Variants in MSRA observed in about 807,000 individuals in gnomAD.
MSRA encodes methionine sulfoxide reductase A.
MSRA carries 54 observed loss-of-function variants against 31.3 expected under a neutral mutation model. The ratio of observed to expected loss-of-function variants is 1.73; its 90% CI spans 1.39 to 2.17. The LOEUF (loss-of-function observed/expected upper bound fraction) is 2.17, where lower values mean the gene tolerates loss of function less well. Among genes scored for constraint, MSRA ranks in the 30% most tolerant of loss-of-function variants. MSRA has a pLI of 0.00. For synonymous variants in MSRA, 169 were observed against 116.5 expected, an observed-to-expected ratio of 1.45 and a Z score of -2.90; for missense variants, 507 against 300.9, an observed-to-expected ratio of 1.69 and a Z score of -5.07.
chr8:10,397,114 C>A (rs1016231640), intron 5 of MSRA, among the ~76,000 whole-genome samples: 4 of 152,206 alleles, frequency 2.6e-5, no homozygotes, highest in African/African-American at 9.6e-5. Context: ...CTATATAGGA[C>A]TCTATGATCC....
chr8:10,199,096 G>A (rs1808253065), intron 1 of MSRA, among the ~76,000 whole-genome samples: 1 of 152,084 alleles, frequency 6.6e-6, no homozygotes, highest in Non-Finnish European at 1.5e-5. Context: ...CTTTGTCTTT[G>A]GTGATGCAAC....
chr8:10,106,731 A>G (rs894875623), intron 1 of MSRA, among the ~76,000 whole-genome samples: 5 of 152,190 alleles, frequency 3.3e-5, no homozygotes, highest in Non-Finnish European at 7.3e-5. Context: ...CACCAGGAGA[A>G]TATAGTAAGT....
chr8:10,056,394 T>G (rs561753346), intron 1 of MSRA, among the ~76,000 whole-genome samples: 1 of 152,250 alleles, frequency 6.6e-6, no homozygotes, highest in Non-Finnish European at 1.5e-5. Flanking sequence ...GCCAACAATT[T>G]TTTTCTTATC....
rs372289649 is a variant in MSRA, at chr8:10,148,801, C to CA, written c.143-59017dup. On this transcript the variant is annotated intron_variant, in intron 1 of 5. Transcript: ENST00000317173. ...TGGGTGAAAGAGTGAGACCCTGTCG[C>CA]AAAAAAAAAAAAAAAGGAAACTCTG... 4.0e-3 allele frequency among the ~76,000 whole-genome samples: 351 copies of CA among 88,646 alleles called. 1 individual carries two copies. Among genetic ancestry groups the CA allele is most frequent in the African/African-American group, 0.01 (244 of 23,562 alleles). The allele number at this position is 88,646 out of a possible 152,430, so 58.2% of individuals were successfully genotyped here. A position where few individuals can be genotyped will look rare whatever the true frequency, so the allele number is the denominator to read the frequency against.
At chr8:10,136,398 C>T (rs1348544816) in intron 1 of MSRA, among the ~76,000 whole-genome samples, 1 of 152,206 alleles carries the variant, frequency 6.6e-6, no homozygotes, top group Non-Finnish European at 1.5e-5. Context: ...CACCCTGAGC[C>T]TAGCAAGCTC....
intron 2 of MSRA, among the ~76,000 whole-genome samples, chr8:10,227,029 G>GA (rs1811059735): frequency 6.6e-6 from 1 of 152,206 alleles, no homozygotes. Flanking sequence ...ATTCTGTCTA[G>GA]AGATCCATGG....
At chr8:10,191,222 A>T (rs565124409) in intron 1 of MSRA, among the ~76,000 whole-genome samples, 1 of 152,310 alleles carries the variant, frequency 6.6e-6, no homozygotes, top group East Asian at 1.9e-4. Flanking sequence ...CATCATTATG[A>T]ATAGGAATAA....
chr8:10,223,481 T>A (rs772919147), intron 2 of MSRA, among the ~76,000 whole-genome samples: 1 of 152,224 alleles, frequency 6.6e-6, no homozygotes, highest in Non-Finnish European at 1.5e-5. Flanking sequence ...GGATAGAATG[T>A]CAGATATTGG....
chr8:10,126,599 G>T (rs900941249), intron 1 of MSRA, among the ~76,000 whole-genome samples: 1 of 152,138 alleles, frequency 6.6e-6, no homozygotes, highest in Non-Finnish European at 1.5e-5. Context: ...CACAACCTCT[G>T]CCTCCTGGGT....
At chr8:10,311,897 A>G (rs1213326319) in intron 4 of MSRA, among the ~76,000 whole-genome samples, 1 of 152,260 alleles carries the variant, frequency 6.6e-6, no homozygotes, top group African/African-American at 2.4e-5. Flanking sequence ...AGCCTGGGCA[A>G]CAGAGCAAGA....
At chr8:10,271,298 C>T (rs1219966322) in intron 3 of MSRA, among the ~76,000 whole-genome samples, 3 of 151,936 alleles carry the variant, frequency 2.0e-5, no homozygotes, top group Non-Finnish European at 4.4e-5. Context: ...AGCAGGCAAA[C>T]CCAGAATTTG....
chr8:10,179,927 C>A (rs892725898), intron 1 of MSRA, among the ~76,000 whole-genome samples: 1 of 152,290 alleles, frequency 6.6e-6, no homozygotes, highest in South Asian at 2.1e-4. Context: ...GTTTCCTCTA[C>A]ACTCACAAAA....
chr8:10,290,489 A>C (rs1349052949), intron 3 of MSRA, among the ~76,000 whole-genome samples: 1 of 152,108 alleles, frequency 6.6e-6, no homozygotes, highest in Non-Finnish European at 1.5e-5. Flanking sequence ...TTAGCCACAT[A>C]CATCAGATGC....
chr8:10,365,164 A>G (rs1459372072), intron 5 of MSRA, among the ~76,000 whole-genome samples: 2 of 150,368 alleles, frequency 1.3e-5, no homozygotes, highest in Admixed American at 1.3e-4. Flanking sequence ...AAAAAAAAAA[A>G]GTCGAGACTG....
chr8:10,158,936 T>G (rs1641202851), intron 1 of MSRA, among the ~76,000 whole-genome samples: 1 of 152,232 alleles, frequency 6.6e-6, no homozygotes, highest in Admixed American at 6.5e-5. Flanking sequence ...GTGTGAAATG[T>G]TATCTCATTG....
At chr8:10,202,297 T>C (rs1475441218) in intron 1 of MSRA, among the ~76,000 whole-genome samples, 2 of 152,234 alleles carry the variant, frequency 1.3e-5, no homozygotes, top group Admixed American at 6.5e-5. Flanking sequence ...TTTCTAGGAA[T>C]AGAGCTGGGG....
At chr8:10,151,889 C>G (rs1803712150) in intron 1 of MSRA, among the ~76,000 whole-genome samples, 2 of 152,178 alleles carry the variant, frequency 1.3e-5, no homozygotes, top group South Asian at 2.1e-4. Flanking sequence ...GGTTACCTGG[C>G]CTTTTTAAGT....
At chr8:10,170,886 G>T (rs1484646) in intron 1 of MSRA, among the ~76,000 whole-genome samples, 64,134 of 152,080 alleles carry the variant, frequency 0.42, 16,518 homozygotes, top group African/African-American at 0.71. Context: ...AATGATAGCT[G>T]ATTTCTTCCT....
At chr8:10,121,936 C>G (rs561582589) in intron 1 of MSRA, among the ~76,000 whole-genome samples, 8 of 151,882 alleles carry the variant, frequency 5.3e-5, no homozygotes, top group Non-Finnish European at 1.2e-4. Flanking sequence ...CTTCCTTGGG[C>G]TCCCAAAGTA....
Sources: allele counts gnomAD v4.1 joint callset (sites outside exome capture counted in the v4.1 genomes callset), GRCh38; gene constraint gnomAD v4.1.1; transcripts MANE v1.5; gene names NCBI Gene and HGNC (gene_info 2026-07-23, HGNC 2026-07-21).